DGKG: variants seen among roughly 807,000 people sequenced by gnomAD.
DGKG encodes DAG kinase gamma.
Under a neutral mutation model 105.3 loss-of-function variants are expected in DGKG, and 78 were observed. The ratio of observed to expected loss-of-function variants is 0.74; its 90% CI spans 0.62 to 0.89. The LOEUF (loss-of-function observed/expected upper bound fraction) is 0.89. Among genes scored for constraint, DGKG ranks in the 40% least tolerant of loss-of-function variants. DGKG has a pLI of 0.00. For missense variants in DGKG, 958 were observed against 1,020.1 expected (o/e 0.94, Z 0.83); for synonymous variants, 346 against 367.1 (o/e 0.94, Z 0.66).
At chr3:186,357,525 T>C (rs780490650) in intron 1 of DGKG, among the ~76,000 whole-genome samples, 4 of 152,234 alleles carry the variant, frequency 2.6e-5, no homozygotes, top group Non-Finnish European at 5.9e-5. Flanking sequence ...TACTGAAACT[T>C]TCTGAGACTC....
rs1036015145 is a variant in DGKG, at chr3:186,263,322, T to A, written c.1270-1544A>T. Among the ~76,000 whole-genome samples, 4 of 151,838 alleles carry A rather than the reference T, an allele frequency of 2.6e-5. No individual in the cohort carries two copies. The South Asian group carries it at 6.2e-4, about 24-fold the overall frequency. ...TGGCTCATGCCTGTAATCCTAGCAC[T>A]TTGGGAGGCTGAGGCAGGCGGATCA... On this transcript the variant is annotated intron_variant, in intron 14 of 24. Coordinates refer to ENST00000265022, the MANE Select transcript of DGKG (RefSeq NM_001346.3).
chr3:186,353,953 T>G (rs1198746233), intron 1 of DGKG, among the ~76,000 whole-genome samples: 1 of 152,154 alleles, frequency 6.6e-6, no homozygotes, highest in Non-Finnish European at 1.5e-5. Flanking sequence ...AGCTTCCTAA[T>G]AGTTGAGAAA....
chr3:186,148,367 A>T lies in DGKG; in HGVS notation c.*1723T>A, dbSNP rs531199779. On this transcript the variant is annotated 3_prime_UTR_variant, in exon 25 of 25. Coordinates refer to ENST00000265022, the MANE Select transcript of DGKG (RefSeq NM_001346.3). Reference sequence around the variant, plus strand: ...ATGACCATGATGAGGTGACATGTGGAGAGTTCAGTCTGATGATCTGTTTAG... The same window carrying T: ...ATGACCATGATGAGGTGACATGTGGTGAGTTCAGTCTGATGATCTGTTTAG... 1.0e-6 allele frequency: 1 copy of T among 985,464 alleles called. No individual in the cohort carries two copies. Among genetic ancestry groups the T allele is most frequent in the East Asian group, 1.1e-4 (1 of 8,820 alleles). The allele number at this position is 985,464 out of a possible 1,614,324, so 61.0% of individuals were successfully genotyped here. A position where few individuals can be genotyped will look rare whatever the true frequency, so the allele number is the denominator to read the frequency against.
In DGKG at chr3:186,298,248, G is replaced by A; in HGVS notation, c.145-19C>T. The A allele has an allele frequency of 1.3e-6, 2 of 1,570,266 alleles. No individual in the cohort carries two copies. The highest frequency in any genetic ancestry group is 2.4e-5 in the South Asian group (2 of 84,320). ...TAATCGGCTGAGAAGGGGCAAAAGGGCAAAGTCAGTGGAGAGAAGCAAAGG... is the reference window on the plus strand; with the variant it reads ...TAATCGGCTGAGAAGGGGCAAAAGGACAAAGTCAGTGGAGAGAAGCAAAGG... On this transcript the variant is annotated intron_variant, in intron 3 of 24. Coordinates refer to ENST00000265022, the MANE Select transcript of DGKG (RefSeq NM_001346.3).
chr3:186,345,028 T>C (rs533518261), intron 1 of DGKG, among the ~76,000 whole-genome samples: 1 of 152,342 alleles, frequency 6.6e-6, no homozygotes, highest in Admixed American at 6.5e-5. Context: ...GGTGTTTTGA[T>C]ATCTTCCACC....
At chr3:186,316,028 C>T (rs781517184) in intron 2 of DGKG, among the ~76,000 whole-genome samples, 3 of 152,234 alleles carry the variant, frequency 2.0e-5, no homozygotes, top group Non-Finnish European at 2.9e-5. Context: ...TATGGAGAGG[C>T]CCTGGAAGAC....
At chr3:186,192,209 AC>A (rs1407341895) in intron 21 of DGKG, among the ~76,000 whole-genome samples, 3 of 152,008 alleles carry the variant, frequency 2.0e-5, no homozygotes, top group African/African-American at 7.2e-5. Flanking sequence ...ATGGGGTTTT[AC>A]CATGTTGGCC....
At chr3:186,287,943 A>G (rs1723144180) in intron 6 of DGKG, among the ~76,000 whole-genome samples, 1 of 152,220 alleles carries the variant, frequency 6.6e-6, no homozygotes. Context: ...CAAAGACAAT[A>G]CAGATTTTTT....
intron 20 of DGKG, among the ~76,000 whole-genome samples, chr3:186,218,522 A>AAAAAAAAG: frequency 6.6e-6 from 1 of 150,804 alleles, no homozygotes; most frequent in Non-Finnish European, 1.5e-5. Context: ...AAAAAAAAAA[A>AAAAAAAAG]AAAATGAAAG....
intron 23 of DGKG, among the ~76,000 whole-genome samples, chr3:186,162,817 C>G (rs1716363436): frequency 6.6e-6 from 1 of 152,184 alleles, no homozygotes; most frequent in Non-Finnish European, 1.5e-5. Flanking sequence ...GCTGGGATTA[C>G]AGGCGTGAGC....
intron 22 of DGKG, among the ~76,000 whole-genome samples, chr3:186,166,483 G>T (rs1716551472): frequency 6.6e-6 from 1 of 152,242 alleles, no homozygotes; most frequent in African/African-American, 2.4e-5. Flanking sequence ...CTCTCTGAAG[G>T]AGTTTGGACC....
At chr3:186,317,705 C>T (rs2268816) in intron 2 of DGKG, among the ~76,000 whole-genome samples, 102,563 of 151,940 alleles carry the variant, frequency 0.68, 34,946 homozygotes, top group African/African-American at 0.77. Flanking sequence ...GGCCTCCCAC[C>T]AGGCTGAGCG....
At chr3:186,276,607 CTT>C (rs1316601909) in intron 9 of DGKG, among the ~76,000 whole-genome samples, 1 of 152,212 alleles carries the variant, frequency 6.6e-6, no homozygotes, top group Non-Finnish European at 1.5e-5. Context: ...CACCTCCTGA[CTT>C]TGTTCAGAAG....
intron 6 of DGKG, among the ~76,000 whole-genome samples, chr3:186,286,450 G>A (rs1486404656): frequency 6.6e-6 from 1 of 152,116 alleles, no homozygotes; most frequent in African/African-American, 2.4e-5. Flanking sequence ...GTAACCTTGG[G>A]CAAGTCTTTT....
intron 2 of DGKG, among the ~76,000 whole-genome samples, chr3:186,314,398 C>T (rs896201355): frequency 2.0e-5 from 3 of 152,110 alleles, no homozygotes; most frequent in Admixed American, 6.5e-5. Flanking sequence ...CTCTTCTGGA[C>T]GTAGTAGTCT....
At chr3:186,194,839 C>T (rs537760891) in intron 21 of DGKG, among the ~76,000 whole-genome samples, 2 of 131,020 alleles carry the variant, frequency 1.5e-5, no homozygotes, top group South Asian at 4.6e-4. Context: ...CAAGGTGGCT[C>T]ATGCCTGTAA....
In DGKG at chr3:186,279,960, A is replaced by G; in HGVS notation, c.683T>C (p.Met228Thr). The change falls in exon 9 of 25, where the codon ATG (methionine) becomes ACG (threonine). Residue 228 changes from methionine to threonine, a missense_variant. Transcript: ENST00000265022. ...CCGGTCGTAGTCCATCCCTTGCAGC[A>G]TCTCCTTCAATATCTGTGGAATCCA... ...PTELRPILKE[M>T]LQGMDYDRDG... is the part of the protein sequence containing the mutation. The G allele has an allele frequency of 6.2e-7, 1 of 1,614,032 alleles. No homozygotes were observed. Among genetic ancestry groups the G allele is most frequent in the East Asian group, 2.2e-5 (1 of 44,880 alleles).
chr3:186,288,448 C>A (rs1723168007), intron 6 of DGKG, among the ~76,000 whole-genome samples: 1 of 152,182 alleles, frequency 6.6e-6, no homozygotes, highest in Non-Finnish European at 1.5e-5. Context: ...TGATGGGACC[C>A]CTTCCCTTTC....
chr3:186,292,832 C>T (rs1363984890), intron 5 of DGKG, among the ~76,000 whole-genome samples: 2 of 151,812 alleles, frequency 1.3e-5, no homozygotes, highest in African/African-American at 4.8e-5. Flanking sequence ...GAAACTCGGT[C>T]CCAGATTATC....
Sources: gnomAD v4.1 joint callset for allele counts (sites outside exome capture counted in the v4.1 genomes callset) on GRCh38, gnomAD v4.1.1 for gene constraint, MANE v1.5 for transcripts, NCBI Gene and HGNC (gene_info 2026-07-23, HGNC 2026-07-21) for gene names.